NAALADL2: variants seen among roughly 807,000 people sequenced by gnomAD.
NAALADL2 encodes the protein N-acetylated alpha-linked acidic dipeptidase like 2.
A neutral mutation model predicts 87.2 loss-of-function variants in NAALADL2; 76 were observed. That is an observed-to-expected ratio of 0.87 (90% CI 0.72 to 1.05). The LOEUF (loss-of-function observed/expected upper bound fraction) is 1.05, where lower values mean the gene tolerates loss of function less well. NAALADL2 is among the 50% of genes least tolerant of loss of function. NAALADL2 has a pLI of 0.00. For synonymous variants in NAALADL2, 354 were observed against 331.0 expected, an observed-to-expected ratio of 1.07 and a Z score of -0.75; for missense variants, 1,089 against 945.8, an observed-to-expected ratio of 1.15 and a Z score of -1.99.
At chr3:175,672,957 A>G (rs781098325) in intron 11 of NAALADL2, among the ~76,000 whole-genome samples, 1 of 151,712 alleles carries the variant, frequency 6.6e-6, no homozygotes, top group Non-Finnish European at 1.5e-5. Context: ...TTATCATCTT[A>G]GATGTCCTCA....
At chr3:175,602,988 T>A (rs554217575) in intron 10 of NAALADL2, among the ~76,000 whole-genome samples, 1 of 152,322 alleles carries the variant, frequency 6.6e-6, no homozygotes, top group East Asian at 1.9e-4. Context: ...TATGTCAGAG[T>A]ATGTTATATA....
At chr3:174,764,667 C>A (rs2037136) in intron 3 of NAALADL2, among the ~76,000 whole-genome samples, 41,852 of 152,008 alleles carry the variant, frequency 0.28, 6,273 homozygotes, top group Non-Finnish European at 0.34. Flanking sequence ...TATCACACTG[C>A]TATTTGAAGA....
At chr3:175,061,356 T>A (rs187654441) in intron 1 of NAALADL2, among the ~76,000 whole-genome samples, 84 of 152,118 alleles carry the variant, frequency 5.5e-4, no homozygotes, top group African/African-American at 2.0e-3. Context: ...TATTATTCAG[T>A]GAAAATAAAG....
At chr3:174,807,641 G>A (rs1262067178) in intron 3 of NAALADL2, among the ~76,000 whole-genome samples, 1 of 152,058 alleles carries the variant, frequency 6.6e-6, no homozygotes, top group Non-Finnish European at 1.5e-5. Context: ...GAGCAGAACA[G>A]CGTTGAATAA....
intron 11 of NAALADL2, among the ~76,000 whole-genome samples, chr3:175,719,171 G>A (rs928679112): frequency 3.3e-5 from 5 of 151,772 alleles, no homozygotes; most frequent in Admixed American, 6.6e-5. Flanking sequence ...GGGAACATCG[G>A]CAATGTCTGG....
chr3:174,753,980 C>T (rs1463688354), intron 3 of NAALADL2, among the ~76,000 whole-genome samples: 1 of 152,128 alleles, frequency 6.6e-6, no homozygotes, highest in Non-Finnish European at 1.5e-5. Flanking sequence ...GAAGAAAGCC[C>T]TCCCAGGAAC....
intron 1 of NAALADL2, among the ~76,000 whole-genome samples, chr3:174,887,264 T>A (rs183473603): frequency 1.4e-3 from 197 of 135,982 alleles, no homozygotes; most frequent in African/African-American, 6.1e-3. Context: ...TTAGATGATC[T>A]TTGTTAACCT....
chr3:175,280,699 A>T (rs1210079981), intron 4 of NAALADL2, among the ~76,000 whole-genome samples: 1 of 152,042 alleles, frequency 6.6e-6, no homozygotes, highest in East Asian at 1.9e-4. Flanking sequence ...AGGCTTAAAC[A>T]CATTCTGCCA....
intron 2 of NAALADL2, among the ~76,000 whole-genome samples, chr3:175,210,444 G>A (rs566863891): frequency 5.9e-4 from 89 of 151,772 alleles, no homozygotes; most frequent in Admixed American, 1.4e-3. Context: ...TTCTACATAG[G>A]TTTGTGTATG....
intron 2 of NAALADL2, among the ~76,000 whole-genome samples, chr3:174,606,145 A>G (rs1384161616): frequency 1.3e-5 from 2 of 152,230 alleles, no homozygotes; most frequent in Non-Finnish European, 2.9e-5. Flanking sequence ...AACAGAAAGG[A>G]CATCCACACC....
chr3:175,372,671 G>A (rs1766656392), intron 5 of NAALADL2, among the ~76,000 whole-genome samples: 1 of 152,156 alleles, frequency 6.6e-6, no homozygotes, highest in African/African-American at 2.4e-5. Context: ...AATGGGATTT[G>A]ATGAAATACA....
intron 5 of NAALADL2, among the ~76,000 whole-genome samples, chr3:175,439,555 T>C (rs1347242535): frequency 3.3e-5 from 5 of 151,962 alleles, no homozygotes; most frequent in Non-Finnish European, 5.9e-5. Flanking sequence ...CCAGGTGGCA[T>C]CGTATTGTGG....
chr3:175,270,939 A>G (rs1016245596), intron 4 of NAALADL2: 1 of 152,194 alleles, frequency 6.6e-6, no homozygotes, highest in African/African-American at 2.4e-5. Flanking sequence ...CCTATAAGAA[A>G]TATGTTTGGG....
rs1167047805 is a variant in NAALADL2, at chr3:175,294,729, C to G, written c.940-29446C>G. ...TTATGAAGATAAATTTATAGACAAC[C>G]TTCTAATGGCCATATCCAAAGGAGC... On this transcript the variant is annotated intron_variant, in intron 4 of 13. Coordinates refer to ENST00000454872, the MANE Select transcript of NAALADL2 (RefSeq NM_207015.3). Among the ~76,000 whole-genome samples the G allele has an allele frequency of 3.3e-5, 5 of 152,272 alleles. No homozygotes were observed. The East Asian group carries it at 7.7e-4, about 23-fold the overall frequency.
At chr3:175,275,175 A>G (rs1393166366) in intron 4 of NAALADL2, among the ~76,000 whole-genome samples, 1 of 152,170 alleles carries the variant, frequency 6.6e-6, no homozygotes, top group Admixed American at 6.5e-5. Context: ...TAGAAATAAA[A>G]TGTGAAAATC....
chr3:174,464,174 T>C (rs912054325), intron 1 of NAALADL2, among the ~76,000 whole-genome samples: 1 of 152,170 alleles, frequency 6.6e-6, no homozygotes, highest in Non-Finnish European at 1.5e-5. Flanking sequence ...TTCTTTGGTT[T>C]GGAAACTGAT....
At chr3:174,442,851 A>C (rs778429784) in intron 1 of NAALADL2, among the ~76,000 whole-genome samples, 15 of 152,162 alleles carry the variant, frequency 9.9e-5, no homozygotes, top group Non-Finnish European at 1.9e-4. Context: ...TCCTCTGGAG[A>C]AGGTGACATT....
chr3:174,776,238 G>GTA (rs1468591128), intron 3 of NAALADL2, among the ~76,000 whole-genome samples: 2 of 152,072 alleles, frequency 1.3e-5, no homozygotes, highest in Admixed American at 6.6e-5. Context: ...AATACTCTAA[G>GTA]AAGTTCTGTA....
intron 2 of NAALADL2, among the ~76,000 whole-genome samples, chr3:175,157,658 G>A (rs1332687004): frequency 6.6e-6 from 1 of 151,958 alleles, no homozygotes; most frequent in East Asian, 1.9e-4. Flanking sequence ...CATCTATATA[G>A]CCACAAAACC....
Sources: allele counts gnomAD v4.1 joint callset (sites outside exome capture counted in the v4.1 genomes callset), GRCh38; gene constraint gnomAD v4.1.1; transcripts MANE v1.5; gene names NCBI Gene and HGNC (gene_info 2026-07-23, HGNC 2026-07-21).